MATR3: variants seen among roughly 807,000 people sequenced by gnomAD.
MATR3 encodes matrin 3.
MATR3 carries 4 observed loss-of-function variants against 85.5 expected under a neutral mutation model. That is an observed-to-expected ratio of 0.05 (90% CI 0.02 to 0.11). The LOEUF (loss-of-function observed/expected upper bound fraction) is 0.11. Among genes scored for constraint, MATR3 ranks in the 10% least tolerant of loss-of-function variants. MATR3 has a pLI of 1.00. For synonymous variants in MATR3, 336 were observed against 343.1 expected, an observed-to-expected ratio of 0.98 and a Z score of 0.23; for missense variants, 685 against 1,016.1, an observed-to-expected ratio of 0.67 and a Z score of 4.43.
rs1253619045 is a variant in MATR3, at chr5:139,307,889, T to C, written c.474T>C (p.Tyr158=). The C allele has an allele frequency of 1.4e-5, 23 of 1,613,984 alleles. No individual in the cohort carries two copies. The highest frequency in any genetic ancestry group is 2.2e-5 in the East Asian group (1 of 44,902). ...RRTEEGPTLS[Y]GRDGRSATRE... is the part of the protein sequence containing the mutation. ...CTGAAGAAGGCCCTACCTTGAGTTA[T>C]GGTAGAGATGGCAGATCTGCTACAC... The change falls in exon 2 of 15, where the codon TAT becomes TAC. Residue 158 remains tyrosine, a synonymous_variant. Coordinates refer to ENST00000394805, the MANE Select transcript of MATR3 (RefSeq NM_018834.6). The surrounding 1 kb of genome is among the most constrained non-coding windows in gnomAD (Gnocchi z 4.4).
At chr5:139,322,156 G>T (rs1755606321) in intron 10 of MATR3, 127 bp downstream of exon 10, 1 of 1,186,672 alleles carries the variant, frequency 8.4e-7, no homozygotes, top group Admixed American at 2.2e-5. Flanking sequence ...ATAAGTTATT[G>T]AAAGAGAACA....
At chr5:139,325,206 C>T (rs1287582801) in intron 12 of MATR3, 4 of 1,479,366 alleles carry the variant, frequency 2.7e-6, no homozygotes, top group Non-Finnish European at 3.6e-6. Flanking sequence ...AAAAAAAAGG[C>T]AAAGACGCTA....
chr5:139,327,344 CTA>C (rs148716522), intron 14 of MATR3, among the ~76,000 whole-genome samples: 3 of 150,622 alleles, frequency 2.0e-5, no homozygotes, highest in African/African-American at 4.9e-5. Context: ...TCTTTGCCAC[CTA>C]TATGTCTTTT....
chr5:139,326,817 A>G (rs1755875905), intron 14 of MATR3, among the ~76,000 whole-genome samples: 1 of 152,204 alleles, frequency 6.6e-6, no homozygotes. Context: ...TTTTCTAACC[A>G]TATTATAAAT....
In MATR3 at chr5:139,322,961, TAAA is replaced by T. The variant is rs1755653393; in HGVS notation, c.2145_2147del (p.Lys716del). On this transcript the variant is annotated inframe_deletion, in exon 12 of 15. Coordinates refer to ENST00000394805, the MANE Select transcript of MATR3 (RefSeq NM_018834.6). ...CTTCAGCAGCAGCAAAGAAAAAGCT[TAAA>T]AAGGTAAAGAAAGATACATTGATTT... The T allele has an allele frequency of 5.0e-6, 8 of 1,614,026 alleles. No homozygotes were observed. Among genetic ancestry groups the T allele is most frequent in the Non-Finnish European group, 6.8e-6 (8 of 1,179,972 alleles).
chr5:139,320,481 A>G (rs1031401316), intron 9 of MATR3, among the ~76,000 whole-genome samples: 6 of 152,112 alleles, frequency 3.9e-5, no homozygotes, highest in Admixed American at 3.3e-4. Flanking sequence ...GCATGCTCGT[A>G]CAGTTTTAGC....
intron 3 of MATR3, among the ~76,000 whole-genome samples, chr5:139,287,973 G>A (rs554047291): frequency 8.5e-5 from 13 of 152,258 alleles, no homozygotes; most frequent in African/African-American, 2.9e-4. Context: ...TACTTTGGGA[G>A]GCCAAGGCAG....
At chr5:139,317,338 C>T (rs150663381) in intron 6 of MATR3, among the ~76,000 whole-genome samples, 1 of 152,142 alleles carries the variant, frequency 6.6e-6, no homozygotes, top group Non-Finnish European at 1.5e-5. Flanking sequence ...TGTCCAGTTA[C>T]GCGTACAATA....
chr5:139,281,366 T>G (rs1041852158), intron 3 of MATR3, among the ~76,000 whole-genome samples: 3 of 146,778 alleles, frequency 2.0e-5, no homozygotes, highest in South Asian at 2.2e-4. Context: ...GTTTTTTTTT[T>G]TTTTTTTGCT....
intron 2 of MATR3, chr5:139,310,645 T>G (rs1467965541): frequency 6.6e-6 from 1 of 152,170 alleles, no homozygotes; most frequent in African/African-American, 2.4e-5. Context: ...ATAGTCTACA[T>G]GATCAAAAAT....
upstream of MATR3, among the ~76,000 whole-genome samples, chr5:139,293,114 G>C (rs1753937998): frequency 6.6e-6 from 1 of 152,058 alleles, no homozygotes; most frequent in Non-Finnish European, 1.5e-5. Flanking sequence ...AAAAAAGTTA[G>C]CTGGCCATGG....
At chr5:139,305,519 T>C (rs1754663123) in intron 1 of MATR3, among the ~76,000 whole-genome samples, 1 of 152,158 alleles carries the variant, frequency 6.6e-6, no homozygotes, top group African/African-American at 2.4e-5. Context: ...AAAAACCCTC[T>C]AAAGGATTTG....
intron 2 of MATR3, among the ~76,000 whole-genome samples, chr5:139,276,474 T>C (rs1753280253): frequency 6.6e-6 from 1 of 152,146 alleles, no homozygotes; most frequent in Non-Finnish European, 1.5e-5. Flanking sequence ...CTCCTCATAA[T>C]GTGTTAAGAA....
At chr5:139,276,305 C>G in intron 2 of MATR3, 1 of 441,744 alleles carries the variant, frequency 2.3e-6, no homozygotes, top group Non-Finnish European at 4.6e-6. Flanking sequence ...GTTGACTACC[C>G]CAGGATGCCA....
At chr5:139,319,141 C>A in intron 8 of MATR3, 108 bp downstream of exon 8, 1 of 1,350,010 alleles carries the variant, frequency 7.4e-7, no homozygotes, top group Non-Finnish European at 1.0e-6. Flanking sequence ...GTGGCTCACG[C>A]CTGTAATCCC....
intron 14 of MATR3, among the ~76,000 whole-genome samples, 166 bp downstream of exon 14, chr5:139,326,450 C>A (rs1478028608): frequency 1.4e-5 from 2 of 145,730 alleles, no homozygotes; most frequent in Non-Finnish European, 3.0e-5. Flanking sequence ...AAGACAGTTT[C>A]TCTCTTGTTG....
At chr5:139,295,642 C>A (rs1754109279) in intron 1 of MATR3, among the ~76,000 whole-genome samples, 1 of 152,078 alleles carries the variant, frequency 6.6e-6, no homozygotes, top group South Asian at 2.1e-4. Flanking sequence ...AGTTTGTAAA[C>A]GCTAATATTA....
chr5:139,306,904 G>A (rs902964765), intron 1 of MATR3, among the ~76,000 whole-genome samples: 1 of 151,936 alleles, frequency 6.6e-6, no homozygotes, highest in Non-Finnish European at 1.5e-5. Flanking sequence ...ATACTATAGG[G>A]TGTATTTTTA....
chr5:139,322,305 G>A (rs1755612987), intron 10 of MATR3, among the ~76,000 whole-genome samples, 158 bp from the exon 11 acceptor site: 1 of 152,152 alleles, frequency 6.6e-6, no homozygotes. Flanking sequence ...CTGTTGGTAT[G>A]GTCATGATGA....
Sources: allele counts gnomAD v4.1 joint callset (sites outside exome capture counted in the v4.1 genomes callset), GRCh38; gene constraint gnomAD v4.1.1; non-coding constraint Gnocchi (gnomAD v3.1); transcripts MANE v1.5; gene names NCBI Gene and HGNC (gene_info 2026-07-23, HGNC 2026-07-21).